Variants in CR1 observed in about 807,000 individuals in gnomAD.
CR1 encodes the protein complement C3b/C4b receptor 1 (Knops blood group), also known as complement receptor type 1.
CR1 carries 116 observed loss-of-function variants against 187.3 expected under a neutral mutation model. That is an observed-to-expected ratio of 0.62 (90% CI 0.53 to 0.72). The LOEUF is 0.72. Ranked by LOEUF, CR1 falls within the 30% of genes least tolerant of loss-of-function variation. The pLI, the probability that CR1 is intolerant of heterozygous loss-of-function variation, is 0.00. For missense variants in CR1, 1,731 were observed against 2,110.7 expected (o/e 0.82, Z 3.52); for synonymous variants, 576 against 747.1 (o/e 0.77, Z 3.73).
chr1:207,620,170 A>G (rs559825346), intron 43 of CR1, 105 bp downstream of exon 43: 6 of 1,174,932 alleles, frequency 5.1e-6, no homozygotes, highest in South Asian at 4.8e-5. Flanking sequence ...GGCATATGCT[A>G]TGAGCTATAG....
At chr1:207,582,346 A>G (rs1660983217) in intron 32 of CR1, among the ~76,000 whole-genome samples, 1 of 152,176 alleles carries the variant, frequency 6.6e-6, no homozygotes, top group African/African-American at 2.4e-5. Context: ...TCCCTCAATC[A>G]TCCATTTAGT....
chr1:207,513,485 CT>C (rs1476546708), intron 4 of CR1, among the ~76,000 whole-genome samples: 2 of 152,202 alleles, frequency 1.3e-5, no homozygotes, highest in African/African-American at 4.8e-5. Context: ...TACTCCTGCA[CT>C]GTGCCTCACC....
chr1:207,611,586 T>C, intron 37 of CR1, 91 bp from the exon 38 acceptor site: 1 of 1,542,082 alleles, frequency 6.5e-7, no homozygotes, highest in Non-Finnish European at 8.8e-7. Context: ...CACTCTGCAA[T>C]GACGATTTTT....
Position 207,609,607 on chromosome 1 carries a change from G to T in CR1, c.6214G>T (p.Gly2072Trp). 6.2e-7 allele frequency: 1 copy of T among 1,612,566 alleles called. No individual in the cohort carries two copies. Among genetic ancestry groups the T allele is most frequent in the Non-Finnish European group, 8.5e-7 (1 of 1,179,278 alleles). The change falls in exon 37 of 47, where the codon GGG (glycine) becomes TGG (tryptophan). Residue 2072 changes from glycine to tryptophan, a missense_variant. By Grantham distance (184) the Gly-to-Trp change is radical (BLOSUM62 -2). This residue lies in a region of CR1 where 1,312 missense variants were observed against 1,379.6 expected (regional missense o/e 0.95). Transcript: ENST00000367049. ...GATCATCAGATTTAGATGTCAGCCC[G>T]GGTTTGTCATGGTAGGGTCCCACAC... is the stretch of plus-strand genomic sequence containing the variant. ...TEIIRFRCQP[G>W]FVMVGSHTVQ...
intron 33 of CR1, among the ~76,000 whole-genome samples, chr1:207,587,179 G>A (rs1282099596): frequency 6.6e-6 from 1 of 152,168 alleles, no homozygotes; most frequent in African/African-American, 2.4e-5. Context: ...AAAGCTGAGT[G>A]GTCTTCCAAA....
intron 35 of CR1, among the ~76,000 whole-genome samples, chr1:207,590,801 G>A (rs545193507): frequency 2.3e-4 from 35 of 152,172 alleles, no homozygotes; most frequent in African/African-American, 8.2e-4. Context: ...ATAAAAGCAG[G>A]GGTTACAGTC....
chr1:207,607,455 G>A (rs1481348429), intron 36 of CR1, 119 bp downstream of exon 36: 3 of 716,646 alleles, frequency 4.2e-6, no homozygotes, highest in African/African-American at 3.5e-5. Context: ...TTGAAAATAG[G>A]AGTCAGATGC....
chr1:207,634,601 G>T (rs1413105900), intron 46 of CR1, among the ~76,000 whole-genome samples: 2 of 149,992 alleles, frequency 1.3e-5, no homozygotes, highest in Non-Finnish European at 2.9e-5. Flanking sequence ...GGAATCTGGT[G>T]GCAGTAATAA....
rs149436925 is a variant in CR1, at chr1:207,511,742, G to C, written c.487+88G>C. On this transcript the variant is annotated intron_variant, in intron 4 of 46. Transcript: ENST00000367049. ...TAAAAATCTTAACTGAATTCCTTCT[G>C]TGCAATCTGTCCTTCACACGGCTGA... 4 of 1,290,838 alleles carry C rather than the reference G, an allele frequency of 3.1e-6. No individual in the cohort carries two copies. In the Admixed American group the frequency reaches 7.4e-5, roughly 24 times the overall value. 80.0% of individuals were successfully genotyped at this position (1,290,838 alleles called of 1,614,324 possible).
intron 42 of CR1, among the ~76,000 whole-genome samples, chr1:207,618,636 A>G (rs1662217798): frequency 6.6e-6 from 1 of 152,194 alleles, no homozygotes; most frequent in South Asian, 2.1e-4. Context: ...TCTAGGAAAA[A>G]AATATTGTAG....
At chr1:207,526,604 C>G in intron 5 of CR1, 149 bp from the exon 6 acceptor site, 5 of 1,427,918 alleles carry the variant, frequency 3.5e-6, no homozygotes, top group Non-Finnish European at 4.6e-6. Context: ...CTTCCTTGCC[C>G]TGTGTATTTA....
chr1:207,639,549 T>C lies in CR1; in HGVS notation c.*140T>C, dbSNP rs1220468417. The C allele has an allele frequency of 9.3e-6, 7 of 755,672 alleles. No individual in the cohort carries two copies. The highest frequency in any genetic ancestry group is 7.1e-5 in the South Asian group (4 of 55,976). The allele number at this position is 755,672 out of a possible 1,614,324, so 46.8% of individuals were successfully genotyped here. On this transcript the variant is annotated 3_prime_UTR_variant, in exon 47 of 47. Transcript: ENST00000367049. Reference sequence around the variant, plus strand: ...AGACGCAGACATGTGCACTTGAAGATGCTGCCCCTTCCCTGGTACCTAGCA... The same window carrying C: ...AGACGCAGACATGTGCACTTGAAGACGCTGCCCCTTCCCTGGTACCTAGCA...
intron 29 of CR1, among the ~76,000 whole-genome samples, chr1:207,579,007 G>A (rs1660853023): frequency 6.6e-6 from 1 of 152,182 alleles, no homozygotes; most frequent in Admixed American, 6.5e-5. Flanking sequence ...AGGAGTCTAA[G>A]TCAAGAGTGA....
intron 45 of CR1, among the ~76,000 whole-genome samples, chr1:207,623,507 C>A (rs1481359733): frequency 6.6e-6 from 1 of 151,806 alleles, no homozygotes; most frequent in African/African-American, 2.4e-5. Context: ...ATTGCTTGAA[C>A]CCAGGAGGCA....
At chr1:207,611,257 T>A (rs1262567712) in intron 37 of CR1, among the ~76,000 whole-genome samples, 2 of 152,194 alleles carry the variant, frequency 1.3e-5, no homozygotes, top group Non-Finnish European at 1.5e-5. Flanking sequence ...AAATGAAGAA[T>A]ACGTGAAGGT....
intron 1 of CR1, among the ~76,000 whole-genome samples, chr1:207,499,545 T>C (rs1659199869): frequency 6.6e-6 from 1 of 152,168 alleles, no homozygotes; most frequent in Non-Finnish European, 1.5e-5. Context: ...TGGGTATAAT[T>C]GACATATATA....
At chr1:207,609,806 C>A in intron 37 of CR1, 118 bp downstream of exon 37, 1 of 1,014,364 alleles carries the variant, frequency 9.9e-7, no homozygotes, top group East Asian at 2.8e-5. Flanking sequence ...ATAATAGTAG[C>A]TTCACTGTCT....
rs768606383 is a variant in CR1 at position 207,565,826 on chromosome 1, TTTC to T, written c.3867-6_3867-4del. The T allele has an allele frequency of 6.2e-7, 1 of 1,610,510 alleles. No homozygotes were observed. The highest frequency in any genetic ancestry group is 2.2e-5 in the East Asian group (1 of 44,870). The stretch of plus-strand genomic sequence containing the variant: ...GAAACAGCTCACTATTCACTCCTAT[TTTC>T]TTCTTTAGATTTCAATTAAAAGGCA... On this transcript the variant is annotated splice_polypyrimidine_tract_variant and intron_variant, in intron 23 of 46. Transcript: ENST00000367049.
At chr1:207,617,989 G>C in intron 41 of CR1, 82 bp from the exon 42 acceptor site, 1 of 1,450,116 alleles carries the variant, frequency 6.9e-7, no homozygotes, top group East Asian at 2.3e-5. Context: ...AATAGCCAGA[G>C]ATATTGGATG....
Sources: allele counts gnomAD v4.1 joint callset (sites outside exome capture counted in the v4.1 genomes callset), GRCh38; gene constraint gnomAD v4.1.1; regional missense constraint gnomAD v4.1.1; transcripts MANE v1.5; gene names NCBI Gene and HGNC (gene_info 2026-07-23, HGNC 2026-07-21).